DOCK2: variants seen among roughly 807,000 people sequenced by gnomAD.
DOCK2 encodes the protein dedicator of cytokinesis 2, also known as dedicator of cytokinesis protein 2.
Under a neutral mutation model 248.9 loss-of-function variants are expected in DOCK2, and 87 were observed. The ratio of observed to expected loss-of-function variants is 0.35; its 90% CI spans 0.29 to 0.42. DOCK2 has a LOEUF of 0.42. DOCK2 is among the 10% of genes least tolerant of loss of function. The probability of loss-of-function intolerance (pLI) is 1.00; values close to 1 mark genes in which losing one functional copy is unlikely to be tolerated. For missense variants in DOCK2, 1,747 were observed against 2,300.2 expected (o/e 0.76, Z 4.92); for synonymous variants, 805 against 821.6 (o/e 0.98, Z 0.35).
intron 27 of DOCK2, among the ~76,000 whole-genome samples, chr5:169,917,976 C>G (rs562324171): frequency 4.6e-5 from 7 of 152,326 alleles, no homozygotes; most frequent in African/African-American, 1.4e-4. Context: ...GAGCCCTGAG[C>G]TAATGTGTGT....
intron 27 of DOCK2, among the ~76,000 whole-genome samples, chr5:169,912,938 T>C (rs984719961): frequency 6.6e-6 from 1 of 152,162 alleles, no homozygotes; most frequent in Non-Finnish European, 1.5e-5. Flanking sequence ...GGGTCTGCAG[T>C]TTTGAAGAAA....
chr5:169,999,951 C>T (rs990308058), intron 30 of DOCK2: 1 of 152,176 alleles, frequency 6.6e-6, no homozygotes, highest in Admixed American at 6.5e-5. Flanking sequence ...AGCTTGGTGA[C>T]TGCCACTCTG....
At chr5:169,658,773 G>A (rs1581399730) in intron 2 of DOCK2, among the ~76,000 whole-genome samples, 1 of 151,580 alleles carries the variant, frequency 6.6e-6, no homozygotes, top group Non-Finnish European at 1.5e-5. Context: ...AGTTGGGCAT[G>A]ATGGTGTGTA....
chr5:169,949,370 G>C (rs147073393), intron 27 of DOCK2, among the ~76,000 whole-genome samples: 13 of 152,284 alleles, frequency 8.5e-5, no homozygotes, highest in Middle Eastern at 3.4e-3. Flanking sequence ...TGAGAGGAGA[G>C]ATCCCATTCC....
rs190035317 is a variant in DOCK2, at chr5:169,970,833, C to T, written c.2800-12235C>T. On this transcript the variant is annotated intron_variant, in intron 27 of 51. Transcript: ENST00000520908. ...GATCTGATATCTGGGCTCCACCAGG[C>T]CAGCTCTCTGAATGGCATTTTTCAT... Among the ~76,000 whole-genome samples the T allele has an allele frequency of 9.2e-5, 14 of 152,282 alleles. No homozygotes were observed. The East Asian group carries it at 2.5e-3, about 27-fold the overall frequency.
intron 25 of DOCK2, among the ~76,000 whole-genome samples, chr5:169,802,029 T>C (rs1351085508): frequency 6.6e-6 from 1 of 152,168 alleles, no homozygotes; most frequent in African/African-American, 2.4e-5. Context: ...GTTTGGATTT[T>C]TTTTTTTTCC....
At chr5:169,773,513 C>T (rs1035937840) in intron 25 of DOCK2, among the ~76,000 whole-genome samples, 3 of 151,968 alleles carry the variant, frequency 2.0e-5, no homozygotes, top group African/African-American at 4.8e-5. Flanking sequence ...TCACTCTGTT[C>T]TCATATCTTT....
intron 7 of DOCK2, among the ~76,000 whole-genome samples, chr5:169,683,275 G>A (rs1759765853): frequency 6.6e-6 from 1 of 152,114 alleles, no homozygotes; most frequent in African/African-American, 2.4e-5. Context: ...TATCACCCAG[G>A]CTGGAGTATA....
intron 27 of DOCK2, among the ~76,000 whole-genome samples, chr5:169,967,085 G>A (rs1777329287): frequency 6.6e-6 from 1 of 152,230 alleles, no homozygotes; most frequent in Non-Finnish European, 1.5e-5. Flanking sequence ...GGGATAAAGA[G>A]ATAAGGAGAA....
chr5:169,914,678 G>A (rs1774781664), intron 27 of DOCK2, among the ~76,000 whole-genome samples: 1 of 152,184 alleles, frequency 6.6e-6, no homozygotes. Context: ...GTAGTAACCT[G>A]GGCCCACATC....
chr5:169,664,848 G>T (rs1036858060), intron 2 of DOCK2, among the ~76,000 whole-genome samples: 1 of 152,026 alleles, frequency 6.6e-6, no homozygotes, highest in Admixed American at 6.6e-5. Context: ...CCAGTGATAG[G>T]TACAAGCTTC....
chr5:169,729,453 C>G (rs1036214042), intron 22 of DOCK2, among the ~76,000 whole-genome samples: 1 of 152,144 alleles, frequency 6.6e-6, no homozygotes, highest in African/African-American at 2.4e-5. Context: ...TCCTTCAAGT[C>G]TCTAAACTGG....
rs562841782 is a variant in DOCK2, at chr5:169,734,544, G to A, written c.2268-12852G>A. 4.6e-5 allele frequency among the ~76,000 whole-genome samples: 7 copies of A among 152,154 alleles called. No homozygotes were observed. The South Asian group carries it at 1.5e-3, about 32-fold the overall frequency. Reference sequence around the variant, plus strand: ...AGTTTCCTTCTTTCATTCACCTGGGGCAATACCAACCAGATACCTCATTAG... The same window carrying A: ...AGTTTCCTTCTTTCATTCACCTGGGACAATACCAACCAGATACCTCATTAG... On this transcript the variant is annotated intron_variant, in intron 22 of 51. Transcript: ENST00000520908.
chr5:169,773,449 CGT>C (rs35693648), intron 25 of DOCK2, among the ~76,000 whole-genome samples: 18,814 of 150,300 alleles, frequency 0.13, 1,666 homozygotes, highest in African/African-American at 0.25. Flanking sequence ...ATAAACTCTT[CGT>C]GTGTGTGTGT....
chr5:169,863,544 G>A (rs778022023), intron 27 of DOCK2, among the ~76,000 whole-genome samples: 2 of 152,194 alleles, frequency 1.3e-5, no homozygotes, highest in Non-Finnish European at 2.9e-5. Flanking sequence ...GTGGGCCCTG[G>A]AACAGCTACA....
intron 27 of DOCK2, among the ~76,000 whole-genome samples, chr5:169,927,174 C>T (rs1410443904): frequency 4.0e-5 from 6 of 149,410 alleles, no homozygotes; most frequent in Admixed American, 2.7e-4. Context: ...AGATCTCGGC[C>T]CTTTCCAGGA....
Position 170,018,962 on chromosome 5 carries a change from C to A in DOCK2, c.3235C>A (p.Gln1079Lys). Reference protein sequence around the residue: ...SIRDMWYKLGQNKICFIPGMV... With the variant: ...SIRDMWYKLGKNKICFIPGMV... ...TTCATGTTCCTCTTCTCTTTCAGGT[C>A]AGAACAAAATCTGCTTCATCCCAGG... The change falls in exon 33 of 52, where the codon CAG (glutamine) becomes AAG (lysine). Residue 1079 changes from glutamine to lysine, a missense_variant and splice_region_variant. Gln to Lys is a moderately conservative substitution (Grantham distance 53). Transcript: ENST00000520908. The A allele has an allele frequency of 6.2e-7, 1 of 1,613,818 alleles. No individual in the cohort carries two copies. Among genetic ancestry groups the A allele is most frequent in the South Asian group, 1.1e-5 (1 of 91,048 alleles).
At chr5:169,782,903 A>G (rs966941481) in intron 25 of DOCK2, among the ~76,000 whole-genome samples, 1 of 152,224 alleles carries the variant, frequency 6.6e-6, no homozygotes, top group African/African-American at 2.4e-5. Flanking sequence ...GAAGAGAGGC[A>G]ATGTTTAGAA....
intron 27 of DOCK2, among the ~76,000 whole-genome samples, chr5:169,895,329 A>T (rs1773533093): frequency 6.6e-6 from 1 of 151,570 alleles, no homozygotes. Flanking sequence ...CAAAGGGAAG[A>T]GCATATGGTA....
Sources: gnomAD v4.1 joint callset for allele counts (sites outside exome capture counted in the v4.1 genomes callset) on GRCh38, gnomAD v4.1.1 for gene constraint, MANE v1.5 for transcripts, NCBI Gene and HGNC (gene_info 2026-07-23, HGNC 2026-07-21) for gene names.